Variants in MAMLD1 observed in about 807,000 individuals in gnomAD.
MAMLD1 encodes the protein mastermind-like domain-containing protein 1.
MAMLD1 carries 14 observed loss-of-function variants against 45.0 expected under a neutral mutation model. That is an observed-to-expected ratio of 0.31 (90% CI 0.21 to 0.49). The LOEUF (loss-of-function observed/expected upper bound fraction) is 0.49. Among genes scored for constraint, MAMLD1 ranks in the 20% least tolerant of loss-of-function variants. The pLI, the probability that MAMLD1 is intolerant of heterozygous loss-of-function variation, is 0.99. For missense variants in MAMLD1, 543 were observed against 603.6 expected, an observed-to-expected ratio of 0.90 and a Z score of 1.05; for synonymous variants, 254 against 247.8, an observed-to-expected ratio of 1.02 and a Z score of -0.24.
intron 2 of MAMLD1, among the ~76,000 whole-genome samples, chrX:150,459,467 C>T (rs782792156): frequency 9.1e-6 from 1 of 109,308 alleles, no homozygotes; most frequent in African/African-American, 3.3e-5. Flanking sequence ...GCACCTTGGC[C>T]CATTTCCTCC....
chrX:150,403,940 A>AAAAAGAAAG (rs1557402565), intron 1 of MAMLD1, among the ~76,000 whole-genome samples: 1 of 58,882 alleles, frequency 1.7e-5, no homozygotes, highest in South Asian at 9.9e-4. Context: ...AGAAAGAAAG[A>AAAAAGAAAG]AAAGAAAGAA....
chrX:150,478,137 T>C (rs1557406942), intron 5 of MAMLD1, among the ~76,000 whole-genome samples: 1 of 112,116 alleles, frequency 8.9e-6, no homozygotes, highest in Non-Finnish European at 1.9e-5. Flanking sequence ...CTCAATTAGC[T>C]CTGCAAATTA....
chrX:150,393,197 G>A lies in MAMLD1; in HGVS notation c.-64+29667G>A, dbSNP rs1422506255. Reference sequence around the variant, plus strand: ...GAATGTCATATAGTCAGAATCATACGGTATGTAGCCTTTTCAGATTGGCAT... The same window carrying A: ...GAATGTCATATAGTCAGAATCATACAGTATGTAGCCTTTTCAGATTGGCAT... On this transcript the variant is annotated intron_variant, in intron 1 of 7. Transcript: ENST00000370401. Among the ~76,000 whole-genome samples the A allele has an allele frequency of 5.4e-5, 6 of 111,548 alleles. 1 individual carries two copies. Among genetic ancestry groups the A allele is most frequent in the Non-Finnish European group, 7.5e-5 (4 of 53,078 alleles).
Position 150,513,070 on chromosome X carries a change from T to G in MAMLD1, c.*1111T>G, listed in dbSNP as rs1387107731. 4 of 1,144,731 alleles carry G rather than the reference T, an allele frequency of 3.5e-6. No individual in the cohort carries two copies. The highest frequency in any genetic ancestry group is 4.6e-6 in the Non-Finnish European group (4 of 865,872). 94.3% of individuals were successfully genotyped at this position (1,144,731 alleles called of 1,213,427 possible). On this transcript the variant is annotated 3_prime_UTR_variant, in exon 8 of 8. Coordinates refer to ENST00000370401, the MANE Select transcript of MAMLD1 (RefSeq NM_005491.5). ...AAGTCACCCAGGATGCTGGGGCACT[T>G]TAAATCTGAGCAGGATGCCCATAGA...
intron 1 of MAMLD1, among the ~76,000 whole-genome samples, chrX:150,386,539 C>T (rs2032936658): frequency 8.9e-6 from 1 of 111,850 alleles, no homozygotes; most frequent in Non-Finnish European, 1.9e-5. Flanking sequence ...TGACAAGGTA[C>T]TTCCTGTCTT....
chrX:150,447,413 G>A (rs2035525900), intron 2 of MAMLD1, among the ~76,000 whole-genome samples: 1 of 111,825 alleles, frequency 8.9e-6, no homozygotes, highest in Non-Finnish European at 1.9e-5. Flanking sequence ...ATTTGCCTCA[G>A]CCTCCAAAAG....
Position 150,395,281 on chromosome X carries a change from C to A in MAMLD1, c.-64+31751C>A, listed in dbSNP as rs189481957. On this transcript the variant is annotated intron_variant, in intron 1 of 7. Coordinates refer to ENST00000370401, the MANE Select transcript of MAMLD1 (RefSeq NM_005491.5). Reference sequence around the variant, plus strand: ...CAGTCTTGCATACCTAGGATAAATTCCATTTGGTCATAGTATATAATTGTT... The same window carrying A: ...CAGTCTTGCATACCTAGGATAAATTACATTTGGTCATAGTATATAATTGTT... Among the ~76,000 whole-genome samples, 406 of 111,370 alleles carry A rather than the reference C, an allele frequency of 3.6e-3. 1 individual carries two copies. The highest frequency in any genetic ancestry group is 0.013 in the African/African-American group (394 of 30,694).
chrX:150,508,452 C>A (rs1004029656), intron 6 of MAMLD1, among the ~76,000 whole-genome samples: 27 of 110,511 alleles, frequency 2.4e-4, no homozygotes, highest in African/African-American at 8.6e-4. Context: ...GCCCACACGG[C>A]AGCTCCAGTG....
intron 1 of MAMLD1, among the ~76,000 whole-genome samples, chrX:150,394,688 T>TG (rs781906820): frequency 8.9e-6 from 1 of 111,920 alleles, no homozygotes; most frequent in Admixed American, 9.5e-5. Context: ...TATTTCATTT[T>TG]GGGGGTGCTG....
intron 2 of MAMLD1, among the ~76,000 whole-genome samples, chrX:150,461,140 G>A (rs1003936984): frequency 6.2e-5 from 7 of 113,041 alleles, no homozygotes; most frequent in African/African-American, 1.3e-4. Context: ...GGTACCACCC[G>A]CCAAATGGGC....
At chrX:150,439,400 G>A (rs1039043343) in intron 1 of MAMLD1, among the ~76,000 whole-genome samples, 12 of 111,819 alleles carry the variant, frequency 1.1e-4, no homozygotes, top group South Asian at 3.7e-4. Context: ...GTTCCATTGC[G>A]AAATTCAAGG....
At chrX:150,477,846 A>G (rs1477222285) in intron 5 of MAMLD1, among the ~76,000 whole-genome samples, 1 of 111,712 alleles carries the variant, frequency 9.0e-6, no homozygotes, top group African/African-American at 3.3e-5. Context: ...AGACTCAGGC[A>G]GAGGGCTTAC....
intron 1 of MAMLD1, among the ~76,000 whole-genome samples, chrX:150,422,523 C>T (rs1238633385): frequency 8.9e-6 from 1 of 111,936 alleles, no homozygotes; most frequent in Non-Finnish European, 1.9e-5. Context: ...AATTCTCCTG[C>T]CTCAGCCTCC....
intron 5 of MAMLD1, among the ~76,000 whole-genome samples, chrX:150,476,900 G>A (rs1230948019): frequency 8.8e-6 from 1 of 113,340 alleles, no homozygotes; most frequent in Non-Finnish European, 1.9e-5. Flanking sequence ...CTATGAAGAG[G>A]ATCTGGGCAG....
chrX:150,501,022 T>G (rs782401853), intron 5 of MAMLD1, among the ~76,000 whole-genome samples: 1 of 111,905 alleles, frequency 8.9e-6, no homozygotes, highest in Non-Finnish European at 1.9e-5. Flanking sequence ...CTGCCCACAC[T>G]GTCGGGGTAT....
At position 150,403,004 on chromosome X, in the gene MAMLD1, C is replaced by T. The variant is rs1557402523; in HGVS notation, c.-64+39474C>T. ...GAGTTACTGGTGCAGCACACCAGCA[C>T]GGCACATGTATACATATGTAACTAA... On this transcript the variant is annotated intron_variant, in intron 1 of 7. Transcript: ENST00000370401. 3.1e-3 allele frequency among the ~76,000 whole-genome samples: 337 copies of T among 109,636 alleles called. 3 individuals are homozygous for T. The highest frequency in any genetic ancestry group is 8.8e-3 in the African/African-American group (263 of 30,025).
At chrX:150,496,437 T>C (rs2037381023) in intron 5 of MAMLD1, among the ~76,000 whole-genome samples, 2 of 112,374 alleles carry the variant, frequency 1.8e-5, no homozygotes, top group Admixed American at 1.9e-4. Context: ...TACCCATCTT[T>C]CAGGCTTGCC....
intron 1 of MAMLD1, among the ~76,000 whole-genome samples, chrX:150,403,966 A>AAGAAAGAAAGAAAGAAAGAAAGAAAG (rs2033914198): frequency 1.2e-5 from 1 of 85,335 alleles, no homozygotes; most frequent in Non-Finnish European, 2.4e-5. Flanking sequence ...GAAAGAAAGA[A>AAGAAAGAAAGAAAGAAAGAAAGAAAG]AGAAAGAAAG....
At chrX:150,377,062 C>T (rs1464449062) in intron 1 of MAMLD1, among the ~76,000 whole-genome samples, 1 of 113,042 alleles carries the variant, frequency 8.8e-6, no homozygotes, top group African/African-American at 3.2e-5. Context: ...ACAAAATGCG[C>T]CCCACTCATT....
Sources: allele counts gnomAD v4.1 joint callset (sites outside exome capture counted in the v4.1 genomes callset), GRCh38; gene constraint gnomAD v4.1.1; transcripts MANE v1.5; gene names NCBI Gene and HGNC (gene_info 2026-07-23, HGNC 2026-07-21).